The following POLR2D variants were observed in gnomAD, a reference collection of about 807,000 sequenced individuals.
POLR2D encodes RNA polymerase II subunit D.
A neutral mutation model predicts 17.6 loss-of-function variants in POLR2D; 10 were observed. That is an observed-to-expected ratio of 0.57 (90% confidence interval 0.35 to 0.96). The LOEUF is 0.96. POLR2D is among the 40% of genes least tolerant of loss of function. The pLI, the probability that POLR2D is intolerant of heterozygous loss-of-function variation, is 0.02. For missense variants in POLR2D, 126 were observed against 176.4 expected (o/e 0.71, Z 1.62); for synonymous variants, 52 against 60.2 (o/e 0.86, Z 0.63).
chr2:127,850,212 G>A (rs917032373), intron 3 of POLR2D, among the ~76,000 whole-genome samples: 10 of 151,874 alleles, frequency 6.6e-5, no homozygotes, highest in Non-Finnish European at 1.2e-4. Flanking sequence ...AGGCCGAGGC[G>A]GGTGGATCAA....
At chr2:127,855,782 GGCGCGCACAC>G (rs766873421) in intron 1 of POLR2D, among the ~76,000 whole-genome samples, 109 of 147,424 alleles carry the variant, frequency 7.4e-4, no homozygotes, top group South Asian at 6.4e-4. Context: ...TTCAAGTGAA[GGCGCGCACAC>G]GCGCGCACAT....
rs1690271415 is a variant in POLR2D, at chr2:127,852,694, A to AT, written c.254+230dup. 6.6e-6 allele frequency among the ~76,000 whole-genome samples: 1 copy of AT among 152,000 alleles called. No homozygotes were observed. Among genetic ancestry groups the AT allele is most frequent in the South Asian group, 2.1e-4 (1 of 4,818 alleles). ...TGTGTACCACCAGCTAATTTTTTGC[A>AT]TTTTTAGCAGAGACGGGTTTTTGCT... On this transcript the variant is annotated intron_variant, in intron 2 of 3. Transcript: ENST00000272645. This position sits in a 1 kb window ranked among gnomAD's most constrained non-coding sequence, Gnocchi z 4.0.
At chr2:127,850,526 C>A in intron 3 of POLR2D, 64 bp downstream of exon 3, 2 of 623,232 alleles carry the variant, frequency 3.2e-6, no homozygotes, top group Non-Finnish European at 5.7e-6. Context: ...ACATTTTAGA[C>A]ACACCAATTC....
rs1195009802 is a variant in POLR2D at position 127,843,570 on chromosome 2, T to C, written c.*4537A>G. On this transcript the variant is annotated 3_prime_UTR_variant, in exon 4 of 4. Coordinates refer to ENST00000272645, the MANE Select transcript of POLR2D (RefSeq NM_004805.4). Reference sequence around the variant, plus strand: ...CACCAGTGGCATATTTAGTGCTTTTTATTAACAGTATTACTAAGGCAACTC... The same window carrying C: ...CACCAGTGGCATATTTAGTGCTTTTCATTAACAGTATTACTAAGGCAACTC... The C allele has an allele frequency of 2.6e-5, 4 of 152,250 alleles. No homozygotes were observed. The highest frequency in any genetic ancestry group is 5.9e-5 in the Non-Finnish European group (4 of 68,036). 9.4% of individuals were successfully genotyped at this position (152,250 alleles called of 1,614,324 possible).
At chr2:127,856,995 C>T (rs1690346271) in intron 1 of POLR2D, 1 of 152,214 alleles carries the variant, frequency 6.6e-6, no homozygotes, top group South Asian at 2.1e-4. Context: ...GAGTTCGTAC[C>T]ACTGCACCCC....
chr2:127,858,028 CT>C lies in POLR2D; in HGVS notation c.72del (p.Glu25SerfsTer9). On this transcript the variant is annotated frameshift_variant and splice_region_variant, in exon 1 of 4. Coordinates refer to ENST00000272645, the MANE Select transcript of POLR2D (RefSeq NM_004805.4). LOFTEE classifies it high-confidence loss of function. ...GGAGTCTGGCAGCCCCGAGCCCAAC[CT>C]TTAGGAAAGATGAGCTGTGAGGCGT... The part of the protein sequence containing the change: ...EEDASQLIFP[K>X]EFETAETLLN... 6.3e-7 allele frequency: 1 copy of C among 1,578,750 alleles called. No homozygotes were observed. The highest frequency in any genetic ancestry group is 8.6e-7 in the Non-Finnish European group (1 of 1,165,254).
intron 1 of POLR2D, among the ~76,000 whole-genome samples, chr2:127,853,555 T>C (rs928672984): frequency 6.7e-6 from 1 of 150,274 alleles, no homozygotes; most frequent in African/African-American, 2.4e-5. Flanking sequence ...GATTTCGTTC[T>C]TTTATTTTTT....
At chr2:127,853,676 G>C (rs1043982748) in intron 1 of POLR2D, among the ~76,000 whole-genome samples, 3 of 151,702 alleles carry the variant, frequency 2.0e-5, no homozygotes, top group African/African-American at 7.3e-5. Context: ...TCCCCATCTC[G>C]GCCTCCCAGG....
Position 127,850,684 on chromosome 2 carries a change from A to T in POLR2D, c.256T>A (p.Leu86Met). 2 of 1,477,414 alleles carry T rather than the reference A, an allele frequency of 1.4e-6. No individual in the cohort carries two copies. The highest frequency in any genetic ancestry group is 1.8e-6 in the Non-Finnish European group (2 of 1,088,100). The allele number at this position is 1,477,414 out of a possible 1,614,324, so 91.5% of individuals were successfully genotyped here. Reference sequence around the variant, plus strand: ...TTATGAAGCTTTTTCTGGAGTAGCAAGCTAATCAAAAGGAAAAAAAAAAAA... The same window carrying T: ...TTATGAAGCTTTTTCTGGAGTAGCATGCTAATCAAAAGGAAAAAAAAAAAA... ...NRETIASVRSLLLQKKLHKFE... is the reference protein window; with the variant it reads ...NRETIASVRSMLLQKKLHKFE... The change falls in exon 3 of 4, where the codon TTG (leucine) becomes ATG (methionine). Residue 86 changes from leucine (L) to methionine (M), a missense_variant and splice_region_variant. Around this residue, in one of 2 missense-constraint regions of POLR2D, gnomAD observed 85 missense variants for 151.4 expected, o/e 0.56. Coordinates refer to ENST00000272645, the MANE Select transcript of POLR2D (RefSeq NM_004805.4).
At chr2:127,849,329 C>A (rs1690208836) in intron 3 of POLR2D, among the ~76,000 whole-genome samples, 1 of 152,204 alleles carries the variant, frequency 6.6e-6, no homozygotes, top group South Asian at 2.1e-4. Context: ...GCTTAAACCA[C>A]TGCGCCCAGC....
At chr2:127,854,995 TCAGGC>T (rs1390498914) in intron 1 of POLR2D, among the ~76,000 whole-genome samples, 2 of 90,574 alleles carry the variant, frequency 2.2e-5, no homozygotes, top group Admixed American at 1.4e-4. Flanking sequence ...ACAAATGACA[TCAGGC>T]CAAAAAAAAA....
In POLR2D at chr2:127,852,815, A is replaced by G. The variant is rs928566225; in HGVS notation, c.254+110T>C. On this transcript the variant is annotated intron_variant, in intron 2 of 3. Coordinates refer to ENST00000272645, the MANE Select transcript of POLR2D (RefSeq NM_004805.4). This position sits in a 1 kb window ranked among gnomAD's most constrained non-coding sequence, Gnocchi z 4.0. ...TGTGAGCCACCATGCCCAGCCTAAC[A>G]TTATTTTACTTAAATTCACAAGTGA... is the stretch of plus-strand genomic sequence containing the variant. 2.5e-6 allele frequency: 2 copies of G among 801,564 alleles called. No homozygotes were observed. Among genetic ancestry groups the G allele is most frequent in the Non-Finnish European group, 4.1e-6 (2 of 482,216 alleles). The allele number at this position is 801,564 out of a possible 1,614,324, so 49.7% of individuals were successfully genotyped here.
intron 1 of POLR2D, among the ~76,000 whole-genome samples, chr2:127,855,642 G>A (rs1325289814): frequency 6.6e-6 from 1 of 152,188 alleles, no homozygotes; most frequent in Admixed American, 6.5e-5. Context: ...CTACCACAGA[G>A]CTTTTGGGAG....
At chr2:127,851,172 C>T (rs1490029883) in intron 2 of POLR2D, among the ~76,000 whole-genome samples, 2 of 152,096 alleles carry the variant, frequency 1.3e-5, no homozygotes, top group South Asian at 4.1e-4. Context: ...GCCAAGATCA[C>T]GCCACTGCAC....
intron 1 of POLR2D, among the ~76,000 whole-genome samples, chr2:127,855,023 G>C (rs1690306393): frequency 6.9e-6 from 1 of 144,554 alleles, no homozygotes; most frequent in Non-Finnish European, 1.5e-5. Flanking sequence ...AAAAAAAAAG[G>C]GAAGCAGCAG....
rs1237733599 is a variant in POLR2D, at chr2:127,852,479, C to T, written c.254+446G>A. Among the ~76,000 whole-genome samples, 1 of 152,144 alleles carries T rather than the reference C, an allele frequency of 6.6e-6. No individual in the cohort carries two copies. The highest frequency in any genetic ancestry group is 1.5e-5 in the Non-Finnish European group (1 of 68,024). On this transcript the variant is annotated intron_variant, in intron 2 of 3. Transcript: ENST00000272645. The surrounding 1 kb of genome is among the most constrained non-coding windows in gnomAD (Gnocchi z 4.0). ...CATGCTGGTCTTGAACTCCTGGCCT[C>T]AAGAGACTGGTCCACCTCAGCTCCA...
intron 3 of POLR2D, among the ~76,000 whole-genome samples, chr2:127,849,209 T>C (rs766250579): frequency 1.1e-4 from 17 of 151,864 alleles, no homozygotes; most frequent in Non-Finnish European, 1.3e-4. Context: ...CACACCCAGC[T>C]AATTTTGTAT....
rs1177506903 is a variant in POLR2D at position 127,846,243 on chromosome 2, A to G, written c.*1864T>C. The G allele has an allele frequency of 1.3e-5, 2 of 151,778 alleles. No individual in the cohort carries two copies. The highest frequency in any genetic ancestry group is 2.1e-4 in the South Asian group (1 of 4,834). The allele number at this position is 151,778 out of a possible 1,614,324, so 9.4% of individuals were successfully genotyped here. The stretch of plus-strand genomic sequence containing the variant: ...ATCCTGGGCAACACAGCCAGACTCT[A>G]TCTCAAAAAATAAATAAATAAATAA... On this transcript the variant is annotated 3_prime_UTR_variant, in exon 4 of 4. Transcript: ENST00000272645.
chr2:127,858,021 G>T lies in POLR2D; in HGVS notation c.73+7C>A. ...GCGCGGGGGAGTCTGGCAGCCCCGA[G>T]CCCAACCTTTAGGAAAGATGAGCTG... On this transcript the variant is annotated splice_region_variant and intron_variant, in intron 1 of 3. Coordinates refer to ENST00000272645, the MANE Select transcript of POLR2D (RefSeq NM_004805.4). 1.9e-6 allele frequency: 3 copies of T among 1,578,104 alleles called. No homozygotes were observed. Among genetic ancestry groups the T allele is most frequent in the Non-Finnish European group, 2.6e-6 (3 of 1,164,892 alleles).
Sources: gnomAD v4.1 joint callset for allele counts (sites outside exome capture counted in the v4.1 genomes callset) on GRCh38, gnomAD v4.1.1 for gene constraint, gnomAD v4.1.1 regional missense constraint, Gnocchi (gnomAD v3.1) non-coding constraint, MANE v1.5 for transcripts, NCBI Gene and HGNC (gene_info 2026-07-23, HGNC 2026-07-21) for gene names.